CACNA2D1: variants seen among roughly 807,000 people sequenced by gnomAD.
The protein encoded by CACNA2D1 is voltage-dependent calcium channel subunit alpha-2/delta-1.
CACNA2D1 carries 53 observed loss-of-function variants against 171.5 expected under a neutral mutation model. The ratio of observed to expected loss-of-function variants is 0.31; its 90% CI spans 0.25 to 0.39. The LOEUF (loss-of-function observed/expected upper bound fraction) is 0.39. Among genes scored for constraint, CACNA2D1 ranks in the 10% least tolerant of loss-of-function variants. The probability of loss-of-function intolerance (pLI) is 1.00; values close to 1 mark genes in which losing one functional copy is unlikely to be tolerated. For missense variants in CACNA2D1, 903 were observed against 1,299.8 expected (o/e 0.69, Z 4.69); for synonymous variants, 442 against 443.1 (o/e 1.00, Z 0.03).
chr7:82,159,445 A>T (rs1443337077), intron 4 of CACNA2D1, among the ~76,000 whole-genome samples: 2 of 151,868 alleles, frequency 1.3e-5, no homozygotes, highest in East Asian at 3.9e-4. Context: ...ATTCCATCAA[A>T]TCACTAGCTT....
chr7:82,199,539 G>C (rs1267025253), intron 3 of CACNA2D1, among the ~76,000 whole-genome samples: 1 of 152,026 alleles, frequency 6.6e-6, no homozygotes, highest in Non-Finnish European at 1.5e-5. Flanking sequence ...CAGAAACAAA[G>C]ATTCTAATTG....
At chr7:82,200,096 A>T (rs141693070) in intron 3 of CACNA2D1, among the ~76,000 whole-genome samples, 155 of 152,250 alleles carry the variant, frequency 1.0e-3, no homozygotes, top group Non-Finnish European at 1.9e-3. Flanking sequence ...TTCCCTTGAT[A>T]CACAAAAATC....
chr7:82,118,233 G>A (rs1789305884), intron 5 of CACNA2D1, among the ~76,000 whole-genome samples: 1 of 152,028 alleles, frequency 6.6e-6, no homozygotes, highest in African/African-American at 2.4e-5. Context: ...GAATTACCTG[G>A]TTGCCTTCCC....
chr7:82,291,162 C>T (rs1278870819), intron 3 of CACNA2D1, among the ~76,000 whole-genome samples: 1 of 118,376 alleles, frequency 8.4e-6, no homozygotes, highest in Non-Finnish European at 1.6e-5. Flanking sequence ...AATTCTATAT[C>T]GATATAGAAT....
intron 1 of CACNA2D1, among the ~76,000 whole-genome samples, chr7:82,394,266 T>C (rs75201738): frequency 0.021 from 3,106 of 151,254 alleles, 32 homozygotes; most frequent in African/African-American, 0.029. Context: ...ATAAATCTTA[T>C]AGAGCTTAGA....
chr7:82,277,604 T>A (rs1809518531), intron 3 of CACNA2D1, among the ~76,000 whole-genome samples: 3 of 152,104 alleles, frequency 2.0e-5, no homozygotes, highest in African/African-American at 4.8e-5. Context: ...GTTGTGACAA[T>A]GATAGACCTA....
chr7:82,414,468 C>T (rs1442259733), intron 1 of CACNA2D1, among the ~76,000 whole-genome samples: 1 of 151,998 alleles, frequency 6.6e-6, no homozygotes, highest in Non-Finnish European at 1.5e-5. Flanking sequence ...ACAAACGTGG[C>T]GAAAGAAATA....
chr7:82,290,035 G>A (rs1297199413), intron 3 of CACNA2D1, among the ~76,000 whole-genome samples: 1 of 152,222 alleles, frequency 6.6e-6, no homozygotes, highest in African/African-American at 2.4e-5. Flanking sequence ...AATTAAAGCA[G>A]AGAGAGGCTA....
rs1815374966 is a variant in CACNA2D1 at position 82,318,453 on chromosome 7, A to G, written c.294+16682T>C. ...GTTTTTCACACATAAAAAACTAAGT[A>G]ATTACAGTGAGATTAACAAAAACTC... On this transcript the variant is annotated intron_variant, in intron 3 of 38. Coordinates refer to ENST00000356860, the MANE Select transcript of CACNA2D1 (RefSeq NM_000722.4). 3.3e-5 allele frequency among the ~76,000 whole-genome samples: 5 copies of G among 152,174 alleles called. No individual in the cohort carries two copies. In the South Asian group the frequency reaches 1.0e-3, roughly 32 times the overall value.
intron 12 of CACNA2D1, chr7:82,029,940 G>A (rs998332178): frequency 6.6e-6 from 1 of 151,766 alleles, no homozygotes; most frequent in Non-Finnish European, 1.5e-5. Flanking sequence ...ATTAATAAAG[G>A]TTATATGTTT....
intron 3 of CACNA2D1, among the ~76,000 whole-genome samples, chr7:82,221,010 G>T (rs948831032): frequency 2.6e-5 from 4 of 152,008 alleles, no homozygotes; most frequent in Admixed American, 2.0e-4. Context: ...TCCTGACCTC[G>T]CATGATCTGC....
chr7:82,334,265 A>G (rs1345651720), intron 3 of CACNA2D1, among the ~76,000 whole-genome samples: 1 of 152,188 alleles, frequency 6.6e-6, no homozygotes, highest in Non-Finnish European at 1.5e-5. Context: ...ATTTTGGAAA[A>G]CAATTGTCAT....
chr7:82,018,533 A>T lies in CACNA2D1; in HGVS notation c.1144-4054T>A, dbSNP rs1800784989. 2.6e-5 allele frequency among the ~76,000 whole-genome samples: 4 copies of T among 152,244 alleles called. No individual in the cohort carries two copies. In the South Asian group the frequency reaches 8.3e-4, roughly 32 times the overall value. On this transcript the variant is annotated intron_variant, in intron 12 of 38. Transcript: ENST00000356860. ...TAATATTAAATAAGCAGACATCCTT[A>T]CTGGAGGTAAACAACTTTTTAGGCA...
chr7:82,086,871 T>A (rs1288712384), intron 6 of CACNA2D1, among the ~76,000 whole-genome samples: 1 of 152,154 alleles, frequency 6.6e-6, no homozygotes, highest in Non-Finnish European at 1.5e-5. Flanking sequence ...GACACACTGA[T>A]TGTGAATTAT....
At chr7:82,287,545 C>T (rs1224183576) in intron 3 of CACNA2D1, among the ~76,000 whole-genome samples, 1 of 152,064 alleles carries the variant, frequency 6.6e-6, no homozygotes, top group Non-Finnish European at 1.5e-5. Flanking sequence ...GAAGAAAATG[C>T]AGCTGAGAAA....
chr7:82,153,666 T>C lies in CACNA2D1; in HGVS notation c.354+16884A>G, dbSNP rs547444963. Among the ~76,000 whole-genome samples the C allele has an allele frequency of 6.6e-5, 10 of 152,234 alleles. No individual in the cohort carries two copies. In the South Asian group the frequency reaches 2.1e-3, roughly 32 times the overall value. On this transcript the variant is annotated intron_variant, in intron 4 of 38. Coordinates refer to ENST00000356860, the MANE Select transcript of CACNA2D1 (RefSeq NM_000722.4). ...TAAAGCTTTTAACTATAGCTTCGTATGACTACTTCTTGATGTTTAATTGAC... is the reference window on the plus strand; with the variant it reads ...TAAAGCTTTTAACTATAGCTTCGTACGACTACTTCTTGATGTTTAATTGAC...
chr7:82,078,647 T>C (rs1420832662), intron 7 of CACNA2D1, among the ~76,000 whole-genome samples: 1 of 152,206 alleles, frequency 6.6e-6, no homozygotes, highest in East Asian at 1.9e-4. Context: ...TCATTCTACT[T>C]ATCTTGCAAA....
Position 82,435,702 on chromosome 7 carries a change from G to A in CACNA2D1, c.95+7663C>T, listed in dbSNP as rs1416768457. Among the ~76,000 whole-genome samples the A allele has an allele frequency of 3.3e-5, 5 of 151,770 alleles. No individual in the cohort carries two copies. The East Asian group carries it at 7.7e-4, about 24-fold the overall frequency. On this transcript the variant is annotated intron_variant, in intron 1 of 38. Transcript: ENST00000356860. ...TTGCCTCTGCCTAATATACTGGCCCGCCTTAATCCATCTTCTACATATTAT... is the reference window on the plus strand; with the variant it reads ...TTGCCTCTGCCTAATATACTGGCCCACCTTAATCCATCTTCTACATATTAT...
chr7:82,079,665 C>T (rs1317993614), intron 7 of CACNA2D1, among the ~76,000 whole-genome samples: 1 of 147,806 alleles, frequency 6.8e-6, no homozygotes, highest in African/African-American at 2.5e-5. Flanking sequence ...GCACTCCAGC[C>T]TAGGTAACAA....
Sources: allele counts gnomAD v4.1 joint callset (sites outside exome capture counted in the v4.1 genomes callset), GRCh38; gene constraint gnomAD v4.1.1; transcripts MANE v1.5; gene names NCBI Gene and HGNC (gene_info 2026-07-23, HGNC 2026-07-21).